The following SEMA4F variants were observed in gnomAD, a reference collection of about 807,000 sequenced individuals.
SEMA4F encodes the protein ssemaphorin 4F.
SEMA4F carries 51 observed loss-of-function variants against 78.4 expected under a neutral mutation model. That is an observed-to-expected ratio of 0.65 (90% confidence interval 0.52 to 0.82). The LOEUF is 0.82. Ranked by LOEUF, SEMA4F falls within the 40% of genes least tolerant of loss-of-function variation. SEMA4F has a pLI of 0.00. For missense variants in SEMA4F, 938 were observed against 1,014.4 expected (o/e 0.92, Z 1.02); for synonymous variants, 418 against 408.7 (o/e 1.02, Z -0.27).
Position 74,673,692 on chromosome 2 carries a change from C to T in SEMA4F, c.686C>T (p.Ala229Val). The T allele has an allele frequency of 6.2e-7, 1 of 1,613,948 alleles. No individual in the cohort carries two copies. Among genetic ancestry groups the T allele is most frequent in the Middle Eastern group, 1.7e-4 (1 of 6,056 alleles). The change falls in exon 7 of 14, where the codon GCA (alanine) becomes GTA (valine). Residue 229 changes from alanine (A) to valine (V), a missense_variant. Transcript: ENST00000357877. ...PSWLNAPAFV[A>V]AVALSPAEWG... is the part of the protein sequence containing the mutation. ...GTATTCCCAGCCCCAGCCTTTGTCGCAGCCGTGGCCTTGAGCCCAGCCGAA... is the reference window on the plus strand; with the variant it reads ...GTATTCCCAGCCCCAGCCTTTGTCGTAGCCGTGGCCTTGAGCCCAGCCGAA...
rs949783866 is a variant in SEMA4F, at chr2:74,682,823, A to C, written c.*2614A>C. The C allele has an allele frequency of 9.2e-5, 14 of 152,250 alleles. No individual in the cohort carries two copies. The highest frequency in any genetic ancestry group is 3.4e-4 in the African/African-American group (14 of 41,432). The allele number at this position is 152,250 out of a possible 1,614,324, so 9.4% of individuals were successfully genotyped here. On this transcript the variant is annotated 3_prime_UTR_variant, in exon 14 of 14. Coordinates refer to ENST00000357877, the MANE Select transcript of SEMA4F (RefSeq NM_004263.5). ...CAGGGCTCTTATACTCTGGGCCACT[A>C]TCTGCCTGCTCTAATCACCTAGGGC...
intron 5 of SEMA4F, among the ~76,000 whole-genome samples, chr2:74,664,079 AT>A (rs917639646): frequency 4.6e-5 from 7 of 152,002 alleles, no homozygotes; most frequent in Non-Finnish European, 7.4e-5. Flanking sequence ...CACACAGCAA[AT>A]TTTTTTTGTG....
At chr2:74,656,467 G>A (rs1442327934) in intron 1 of SEMA4F, 67 bp from the exon 2 acceptor site, 12 of 1,545,010 alleles carry the variant, frequency 7.8e-6, no homozygotes, top group Non-Finnish European at 1.1e-5. Flanking sequence ...GGCCCCTTTG[G>A]TTTTGCTCTT....
the SEMA4F span, among the ~76,000 whole-genome samples, chr2:74,701,066 G>C: frequency 2.1e-5 from 3 of 145,954 alleles, no homozygotes; most frequent in African/African-American, 8.2e-5. Context: ...GGTGGGGTAT[G>C]GCTTAGCCAG....
chr2:74,687,977 T>C (rs1685854560), downstream of SEMA4F, among the ~76,000 whole-genome samples: 1 of 152,164 alleles, frequency 6.6e-6, no homozygotes, highest in Non-Finnish European at 1.5e-5. Flanking sequence ...ATAATAATAA[T>C]AATGCCCTAA....
chr2:74,659,308 T>C (rs907789377), intron 4 of SEMA4F, among the ~76,000 whole-genome samples: 1 of 152,236 alleles, frequency 6.6e-6, no homozygotes, highest in Admixed American at 6.5e-5. Context: ...CCATGGCTTA[T>C]AGACAGTGTG....
chr2:74,673,730 G>A lies in SEMA4F; in HGVS notation c.724G>A (p.Asp242Asn). ...ALSPAEWGDE[D>N]GDDEIYFFFT... ...GAGCCCAGCCGAATGGGGGGATGAA[G>A]ATGGAGACGACGAAATCTACTTCTT... Residue 242 changes from aspartate to asparagine, a missense_variant, in exon 7 of 14, where the codon GAT (aspartate) becomes AAT (asparagine). Coordinates refer to ENST00000357877, the MANE Select transcript of SEMA4F (RefSeq NM_004263.5). 6.2e-7 allele frequency: 1 copy of A among 1,614,196 alleles called. No homozygotes were observed. Among genetic ancestry groups the A allele is most frequent in the Non-Finnish European group, 8.5e-7 (1 of 1,180,036 alleles).
At chr2:74,671,430 C>T (rs1331324270) in intron 5 of SEMA4F, among the ~76,000 whole-genome samples, 1 of 152,232 alleles carries the variant, frequency 6.6e-6, no homozygotes. Flanking sequence ...CCCCAGTGTG[C>T]ATGAGCCCTG....
Position 74,658,129 on chromosome 2 carries a change from T to G in SEMA4F, c.456+178T>G, listed in dbSNP as rs936670036. ...GGGCTGTCCTCATGGGATGAGGGTA[T>G]GTGTAAGCCACTGAGGGAGGGAAAG... On this transcript the variant is annotated intron_variant, in intron 4 of 13. Coordinates refer to ENST00000357877, the MANE Select transcript of SEMA4F (RefSeq NM_004263.5). This position sits in a 1 kb window ranked among gnomAD's most constrained non-coding sequence, Gnocchi z 4.3. Among the ~76,000 whole-genome samples the G allele has an allele frequency of 6.6e-6, 1 of 152,072 alleles. No homozygotes were observed. Among genetic ancestry groups the G allele is most frequent in the African/African-American group, 2.4e-5 (1 of 41,382 alleles).
chr2:74,673,154 T>TA (rs1685075401), intron 5 of SEMA4F, among the ~76,000 whole-genome samples: 1 of 152,122 alleles, frequency 6.6e-6, no homozygotes, highest in Non-Finnish European at 1.5e-5. Flanking sequence ...ATTACTGAAA[T>TA]AGCAACAAAA....
chr2:74,703,917 G>C, the SEMA4F span, among the ~76,000 whole-genome samples: 1 of 152,216 alleles, frequency 6.6e-6, no homozygotes, highest in Admixed American at 6.5e-5. Flanking sequence ...CTTGTGGTCT[G>C]TGTTAGAGGA....
chr2:74,701,924 C>A, the SEMA4F span, among the ~76,000 whole-genome samples: 1 of 152,130 alleles, frequency 6.6e-6, no homozygotes. Flanking sequence ...ACCATTCCAG[C>A]CGTTGAGCAA....
intron 4 of SEMA4F, among the ~76,000 whole-genome samples, chr2:74,660,582 CAAT>C (rs1180935814): frequency 6.6e-6 from 1 of 152,222 alleles, no homozygotes; most frequent in South Asian, 2.1e-4. Flanking sequence ...CTGACTAACA[CAAT>C]GATGATACAA....
chr2:74,690,711 A>C, the SEMA4F span, among the ~76,000 whole-genome samples: 1 of 152,206 alleles, frequency 6.6e-6, no homozygotes, highest in Admixed American at 6.5e-5. Flanking sequence ...CATTGAACAC[A>C]AGTTTGAAGA....
chr2:74,699,650 T>C, the SEMA4F span, among the ~76,000 whole-genome samples: 1 of 152,068 alleles, frequency 6.6e-6, no homozygotes, highest in African/African-American at 2.4e-5. Context: ...TGGGGGAAGA[T>C]AGATTGTTCA....
At chr2:74,688,724 T>A (rs1355939460), downstream of SEMA4F, among the ~76,000 whole-genome samples, 1 of 152,250 alleles carries the variant, frequency 6.6e-6, no homozygotes, top group Non-Finnish European at 1.5e-5. Flanking sequence ...ACTCAAAATT[T>A]AGATCTTGTA....
chr2:74,679,200 G>T lies in SEMA4F; in HGVS notation c.1644-76G>T, dbSNP rs1298602325. Reference sequence around the variant, plus strand: ...GGATGATGGGAGATATATTGAATGAGGGAGTCTTCAGTAATACTGAGGGGG... The same window carrying T: ...GGATGATGGGAGATATATTGAATGATGGAGTCTTCAGTAATACTGAGGGGG... On this transcript the variant is annotated intron_variant, in intron 12 of 13. Coordinates refer to ENST00000357877, the MANE Select transcript of SEMA4F (RefSeq NM_004263.5). The T allele has an allele frequency of 1.7e-5, 18 of 1,060,526 alleles. No individual in the cohort carries two copies. The East Asian group carries it at 4.3e-4, about 25-fold the overall frequency. 65.7% of individuals were successfully genotyped at this position (1,060,526 alleles called of 1,614,324 possible). A position where few individuals can be genotyped will look rare whatever the true frequency, so the allele number is the denominator to read the frequency against.
chr2:74,657,543 A>G, intron 2 of SEMA4F, 22 bp from the exon 3 acceptor site: 1 of 1,612,536 alleles, frequency 6.2e-7, no homozygotes, highest in Non-Finnish European at 8.5e-7. Flanking sequence ...TCTGGGTGAA[A>G]TGATCACTTC....
At chr2:74,677,900 C>A (rs944730370) in intron 12 of SEMA4F, among the ~76,000 whole-genome samples, 2 of 152,190 alleles carry the variant, frequency 1.3e-5, no homozygotes, top group Non-Finnish European at 2.9e-5. Context: ...AAAGAAAAAA[C>A]TGGCATATAA....
Sources: gnomAD v4.1 joint callset for allele counts (sites outside exome capture counted in the v4.1 genomes callset) on GRCh38, gnomAD v4.1.1 for gene constraint, Gnocchi (gnomAD v3.1) non-coding constraint, MANE v1.5 for transcripts, NCBI Gene and HGNC (gene_info 2026-07-23, HGNC 2026-07-21) for gene names.